MAN2A1: variants seen among roughly 807,000 people sequenced by gnomAD.
MAN2A1 encodes the protein mannosidase alpha class 2A member 1, also known as alpha-mannosidase 2.
MAN2A1 carries 76 observed loss-of-function variants against 142.6 expected under a neutral mutation model. The observed-to-expected ratio is 0.53, with a 90% CI of 0.44 to 0.65. The LOEUF (loss-of-function observed/expected upper bound fraction) is 0.65. Ranked by LOEUF, MAN2A1 falls within the 30% of genes least tolerant of loss-of-function variation. The pLI, the probability that MAN2A1 is intolerant of heterozygous loss-of-function variation, is 0.00. For synonymous variants in MAN2A1, 559 were observed against 473.2 expected (o/e 1.18, Z -2.35); for missense variants, 1,311 against 1,365.1 (o/e 0.96, Z 0.62).
At chr5:109,716,784 C>T (rs1053995736) in intron 3 of MAN2A1, among the ~76,000 whole-genome samples, 2 of 152,166 alleles carry the variant, frequency 1.3e-5, no homozygotes, top group Non-Finnish European at 2.9e-5. Flanking sequence ...CTTAATCCCT[C>T]TGAGACCAAG....
In MAN2A1 at chr5:109,690,531, C is replaced by G. The variant is rs759385869; in HGVS notation, c.114C>G (p.Arg38=). The G allele has an allele frequency of 3.1e-6, 5 of 1,609,104 alleles. No homozygotes were observed. The African/African-American group carries it at 6.7e-5, about 22-fold the overall frequency. ...ACTTAGACTACCCCAGGAACCCGCG[C>G]CGCGAGGGCTCCTTCCCTCAGGTAA... ...RGHLDYPRNP[R]REGSFPQGQL... Residue 38 remains arginine, a synonymous_variant, in exon 1 of 22, where the codon CGC becomes CGG. Coordinates refer to ENST00000261483, the MANE Select transcript of MAN2A1 (RefSeq NM_002372.4).
intron 15 of MAN2A1, 48 bp downstream of exon 15, chr5:109,820,390 G>T: frequency 6.6e-7 from 1 of 1,523,970 alleles, no homozygotes; most frequent in Non-Finnish European, 8.9e-7. Flanking sequence ...CTTATTGAAA[G>T]AGTATTGAGG....
At chr5:109,809,987 C>T (rs965133358) in intron 12 of MAN2A1, among the ~76,000 whole-genome samples, 3 of 151,562 alleles carry the variant, frequency 2.0e-5, no homozygotes, top group Non-Finnish European at 4.4e-5. Context: ...TATATTTATT[C>T]TGCTATTGTT....
chr5:109,820,762 C>T (rs1754602031), intron 15 of MAN2A1, among the ~76,000 whole-genome samples: 1 of 152,158 alleles, frequency 6.6e-6, no homozygotes, highest in Non-Finnish European at 1.5e-5. Context: ...AAGATCACGC[C>T]ACTGCACTCC....
At chr5:109,808,942 A>T (rs971681980) in intron 12 of MAN2A1, among the ~76,000 whole-genome samples, 1 of 152,190 alleles carries the variant, frequency 6.6e-6, no homozygotes, top group South Asian at 2.1e-4. Context: ...ACCTCGGGTG[A>T]TCTGCCTGCC....
At chr5:109,724,139 C>G (rs1284789017) in intron 3 of MAN2A1, among the ~76,000 whole-genome samples, 1 of 152,068 alleles carries the variant, frequency 6.6e-6, no homozygotes. Context: ...GTATGTTACC[C>G]CATAAGTATA....
intron 16 of MAN2A1, among the ~76,000 whole-genome samples, chr5:109,830,412 C>T (rs765145289): frequency 6.6e-6 from 1 of 152,150 alleles, no homozygotes; most frequent in East Asian, 1.9e-4. Flanking sequence ...ATCTCTTGTG[C>T]CTGACTCCCT....
At chr5:109,770,658 A>T (rs775602156) in intron 7 of MAN2A1, 117 bp downstream of exon 7, 36 of 914,578 alleles carry the variant, frequency 3.9e-5, no homozygotes, top group Non-Finnish European at 5.8e-5. Context: ...TGTTTGAAGT[A>T]TTCATTCAAA....
chr5:109,833,783 C>A (rs74591081), intron 16 of MAN2A1, among the ~76,000 whole-genome samples: 1,910 of 152,190 alleles, frequency 0.013, 49 homozygotes, highest in African/African-American at 0.043. Flanking sequence ...ATGCCATAAG[C>A]CACAGACTGA....
intron 1 of MAN2A1, among the ~76,000 whole-genome samples, chr5:109,705,734 A>T (rs188583788): frequency 9.7e-4 from 148 of 152,320 alleles, no homozygotes; most frequent in African/African-American, 3.0e-3. Flanking sequence ...TAAAATAAAG[A>T]TGTCTGCAGA....
At chr5:109,785,109 C>T (rs1753562912) in intron 10 of MAN2A1, among the ~76,000 whole-genome samples, 183 bp downstream of exon 10, 1 of 152,078 alleles carries the variant, frequency 6.6e-6, no homozygotes, top group Non-Finnish European at 1.5e-5. Flanking sequence ...GACAGAGTCC[C>T]AGCTGCACCA....
chr5:109,850,939 G>A (rs1755466936), intron 19 of MAN2A1, among the ~76,000 whole-genome samples: 1 of 152,112 alleles, frequency 6.6e-6, no homozygotes, highest in South Asian at 2.1e-4. Context: ...TAATTAAAAA[G>A]ACACTTAATT....
intron 13 of MAN2A1, 94 bp downstream of exon 13, chr5:109,817,532 A>C: frequency 8.3e-7 from 1 of 1,208,828 alleles, no homozygotes; most frequent in Non-Finnish European, 1.2e-6. Context: ...TTTAGCCATC[A>C]TGTTGGTGTA....
At chr5:109,834,364 A>G (rs545955331) in intron 16 of MAN2A1, among the ~76,000 whole-genome samples, 1 of 152,266 alleles carries the variant, frequency 6.6e-6, no homozygotes, top group South Asian at 2.1e-4. Flanking sequence ...GTTAAAACTG[A>G]TGTCGGTATT....
intron 1 of MAN2A1, among the ~76,000 whole-genome samples, chr5:109,696,526 C>T (rs940216808): frequency 6.6e-6 from 1 of 152,200 alleles, no homozygotes; most frequent in African/African-American, 2.4e-5. Context: ...GCTTTGTAAC[C>T]TCTTTGCTGT....
intron 20 of MAN2A1, among the ~76,000 whole-genome samples, chr5:109,860,679 A>C (rs981356981): frequency 6.6e-6 from 1 of 152,186 alleles, no homozygotes; most frequent in African/African-American, 2.4e-5. Flanking sequence ...TAAGATCTTC[A>C]GTAGAGGACT....
chr5:109,713,391 T>C lies in MAN2A1; in HGVS notation c.136-129T>C, dbSNP rs931798769. The stretch of plus-strand genomic sequence containing the variant: ...TTCATGCTTTCTGCGATCCCACTTA[T>C]AAAAGTGGAAAGTGAAGGGTGAGTG... On this transcript the variant is annotated intron_variant, in intron 1 of 21. Transcript: ENST00000261483. 22 of 648,110 alleles carry C rather than the reference T, an allele frequency of 3.4e-5. No homozygotes were observed. The African/African-American group carries it at 3.4e-4, about 10-fold the overall frequency. 40.1% of individuals were successfully genotyped at this position (648,110 alleles called of 1,614,324 possible). A position where few individuals can be genotyped will look rare whatever the true frequency, so the allele number is the denominator to read the frequency against.
At chr5:109,755,951 C>A (rs1397131238) in intron 5 of MAN2A1, among the ~76,000 whole-genome samples, 1 of 151,764 alleles carries the variant, frequency 6.6e-6, no homozygotes, top group Non-Finnish European at 1.5e-5. Context: ...AGTAAGATGG[C>A]TCTAGGCAGC....
intron 20 of MAN2A1, chr5:109,864,456 A>G (rs926390186): frequency 6.6e-6 from 1 of 152,250 alleles, no homozygotes; most frequent in Non-Finnish European, 1.5e-5. Flanking sequence ...AATTTAAATG[A>G]TACATCAAGC....
Sources: allele counts gnomAD v4.1 joint callset (sites outside exome capture counted in the v4.1 genomes callset), GRCh38; gene constraint gnomAD v4.1.1; transcripts MANE v1.5; gene names NCBI Gene and HGNC (gene_info 2026-07-23, HGNC 2026-07-21).